The following SLC14A2 variants were observed in gnomAD, a reference collection of about 807,000 sequenced individuals.
SLC14A2 encodes solute carrier family 14 member 2.
In SLC14A2, 91 loss-of-function variants were observed where a neutral mutation model predicts 104.6. That is an observed-to-expected ratio of 0.87 (90% confidence interval 0.73 to 1.04). SLC14A2 has a LOEUF of 1.04. Among genes scored for constraint, SLC14A2 ranks in the 50% least tolerant of loss-of-function variants. SLC14A2 has a pLI of 0.00. For missense variants in SLC14A2, 1,189 were observed against 1,156.0 expected (o/e 1.03, Z -0.41); for synonymous variants, 476 against 466.4 (o/e 1.02, Z -0.27).
the SLC14A2 span, among the ~76,000 whole-genome samples, chr18:45,202,744 A>G: frequency 6.6e-6 from 1 of 152,164 alleles, no homozygotes; most frequent in African/African-American, 2.4e-5. Flanking sequence ...TGCCTCTCCC[A>G]CCTGAGTTTC....
At chr18:45,170,564 C>A in the SLC14A2 span, among the ~76,000 whole-genome samples, 103 of 152,272 alleles carry the variant, frequency 6.8e-4, no homozygotes, top group Middle Eastern at 3.4e-3. Flanking sequence ...TCCTGCAAGA[C>A]AGAAATTGTA....
At chr18:45,290,872 G>A (rs1174329262) in intron 1 of SLC14A2, among the ~76,000 whole-genome samples, 5 of 152,156 alleles carry the variant, frequency 3.3e-5, no homozygotes, top group South Asian at 2.1e-4. Flanking sequence ...TGCCTGAGAC[G>A]AAGCTGTACA....
chr18:45,552,398 T>G (rs1404903367), intron 2 of SLC14A2, among the ~76,000 whole-genome samples: 2 of 151,842 alleles, frequency 1.3e-5, no homozygotes, highest in African/African-American at 4.8e-5. Context: ...GCATTTTCTT[T>G]GTGTGAGTTT....
At chr18:45,394,968 G>A (rs951812846) in intron 1 of SLC14A2, among the ~76,000 whole-genome samples, 22 of 151,914 alleles carry the variant, frequency 1.4e-4, no homozygotes, top group African/African-American at 5.3e-4. Flanking sequence ...CACACTTTTG[G>A]GTACTTACCA....
intron 1 of SLC14A2, among the ~76,000 whole-genome samples, chr18:45,292,098 A>G (rs1352318589): frequency 6.6e-6 from 1 of 152,156 alleles, no homozygotes; most frequent in Non-Finnish European, 1.5e-5. Context: ...CAATTAAATT[A>G]CCTTGCAGCC....
intron 2 of SLC14A2, among the ~76,000 whole-genome samples, chr18:45,588,553 T>C (rs1463367267): frequency 6.6e-6 from 1 of 152,170 alleles, no homozygotes; most frequent in Non-Finnish European, 1.5e-5. Context: ...TGTGAAAGAC[T>C]TCCTATGTTG....
chr18:45,191,405 C>T, the SLC14A2 span, among the ~76,000 whole-genome samples: 1 of 152,146 alleles, frequency 6.6e-6, no homozygotes. Flanking sequence ...GTCAGTTCTT[C>T]CTGGGGTTCC....
In SLC14A2 at chr18:45,657,527, G is replaced by C. The variant is rs1301150659; in HGVS notation, c.1352-6258G>C. 1.9e-3 allele frequency among the ~76,000 whole-genome samples: 286 copies of C among 147,250 alleles called. 2 individuals carry two copies. The highest frequency in any genetic ancestry group is 6.8e-3 in the African/African-American group (271 of 40,110). ...AAGAAAGGAAAGAAAGAAAAGGAAGGAAGGAAGGAAGGAAAGAAAAGAGAG... is the reference window on the plus strand; with the variant it reads ...AAGAAAGGAAAGAAAGAAAAGGAAGCAAGGAAGGAAGGAAAGAAAAGAGAG... On this transcript the variant is annotated intron_variant, in intron 10 of 19. Transcript: ENST00000255226.
chr18:45,184,153 T>C, the SLC14A2 span, among the ~76,000 whole-genome samples: 1 of 152,094 alleles, frequency 6.6e-6, no homozygotes, highest in Non-Finnish European at 1.5e-5. Flanking sequence ...TTCTATTTTT[T>C]AAAACTGCTT....
At chr18:45,580,679 A>G (rs1398138821) in intron 2 of SLC14A2, among the ~76,000 whole-genome samples, 2 of 152,184 alleles carry the variant, frequency 1.3e-5, no homozygotes, top group Admixed American at 1.3e-4. Flanking sequence ...ATTGCAGGTA[A>G]TGCTCTGAGC....
chr18:45,436,084 G>A (rs1485220075), intron 1 of SLC14A2, among the ~76,000 whole-genome samples: 1 of 152,014 alleles, frequency 6.6e-6, no homozygotes, highest in African/African-American at 2.4e-5. Context: ...GATACTGAAC[G>A]TAACACACTT....
At chr18:45,516,811 C>A (rs977144695) in intron 2 of SLC14A2, among the ~76,000 whole-genome samples, 34 of 152,168 alleles carry the variant, frequency 2.2e-4, no homozygotes, top group African/African-American at 8.2e-4. Flanking sequence ...CACTCAGCTT[C>A]AAGATTAACC....
Position 45,391,321 on chromosome 18 carries a change from A to G in SLC14A2, c.-124-91912A>G, listed in dbSNP as rs574999996. Among the ~76,000 whole-genome samples, 45 of 152,316 alleles carry G rather than the reference A, an allele frequency of 3.0e-4. 1 individual carries two copies. The South Asian group carries it at 4.3e-3, about 15-fold the overall frequency. ...GTGCCACACTTTCTTAATCCAGTCT[A>G]TCATTGTTGGACATTTGGCTTAGTT... On this transcript the variant is annotated intron_variant, in intron 1 of 20. Coordinates refer to the SLC14A2 transcript ENST00000586448.
At chr18:45,195,455 G>T in the SLC14A2 span, among the ~76,000 whole-genome samples, 1 of 152,070 alleles carries the variant, frequency 6.6e-6, no homozygotes, top group African/African-American at 2.4e-5. Flanking sequence ...GCAGTGGTGC[G>T]ATCTTGGCTC....
chr18:45,484,260 A>G (rs2087553825), intron 2 of SLC14A2, among the ~76,000 whole-genome samples: 1 of 152,072 alleles, frequency 6.6e-6, no homozygotes, highest in African/African-American at 2.4e-5. Flanking sequence ...TTGGCCTAAA[A>G]TTGGCACACA....
intron 1 of SLC14A2, among the ~76,000 whole-genome samples, chr18:45,312,227 A>T (rs1325662102): frequency 1.3e-5 from 2 of 152,228 alleles, no homozygotes; most frequent in Non-Finnish European, 2.9e-5. Context: ...TTTTCTCACA[A>T]TACATTATCA....
chr18:45,382,470 A>G (rs567249525), intron 1 of SLC14A2, among the ~76,000 whole-genome samples: 2 of 152,316 alleles, frequency 1.3e-5, no homozygotes, highest in African/African-American at 2.4e-5. Context: ...ATTAGTCTCC[A>G]TGACTTGGTC....
At chr18:45,333,834 T>C (rs1016751665) in intron 1 of SLC14A2, among the ~76,000 whole-genome samples, 4 of 152,218 alleles carry the variant, frequency 2.6e-5, no homozygotes, top group African/African-American at 9.6e-5. Context: ...AGCACTGAGC[T>C]CTGTACTAAG....
intron 1 of SLC14A2, among the ~76,000 whole-genome samples, chr18:45,291,170 T>C (rs891705619): frequency 3.3e-5 from 5 of 152,172 alleles, no homozygotes; most frequent in African/African-American, 1.2e-4. Flanking sequence ...CAATTACTAC[T>C]GATATATAGT....
Sources: allele counts gnomAD v4.1 joint callset (sites outside exome capture counted in the v4.1 genomes callset), GRCh38; gene constraint gnomAD v4.1.1; transcripts MANE v1.5; gene names NCBI Gene and HGNC (gene_info 2026-07-23, HGNC 2026-07-21).